The following BRD4 variants were observed in gnomAD, a reference collection of about 807,000 sequenced individuals.
BRD4 encodes the protein bromodomain-containing protein 4.
A neutral mutation model predicts 142.1 loss-of-function variants in BRD4; 16 were observed. The ratio of observed to expected loss-of-function variants is 0.11; its 90% CI spans 0.08 to 0.17. The LOEUF is 0.17. Ranked by LOEUF, BRD4 falls within the 10% of genes least tolerant of loss-of-function variation. BRD4 has a pLI of 1.00. For missense variants in BRD4, 1,424 were observed against 1,810.9 expected (o/e 0.79, Z 3.88); for synonymous variants, 833 against 707.5 (o/e 1.18, Z -2.82).
chr19:15,264,977 G>A (rs1002530667), intron 5 of BRD4, among the ~76,000 whole-genome samples: 1 of 152,224 alleles, frequency 6.6e-6, no homozygotes, highest in African/African-American at 2.4e-5. Flanking sequence ...CCTGTGGCAG[G>A]AGAAAGCATA....
intron 1 of BRD4, among the ~76,000 whole-genome samples, chr19:15,292,777 C>CAAAAAAAAAAAAAAAAAAAAAAAAAA (rs57341445): frequency 1.6e-4 from 9 of 57,256 alleles, no homozygotes; most frequent in Admixed American, 2.6e-4. Flanking sequence ...GACTCCGTCT[C>CAAAAAAAAAAAAAAAAAAAAAAAAAA]AAAAAAAAAA....
intron 1 of BRD4, among the ~76,000 whole-genome samples, chr19:15,305,564 T>TA (rs751603222): frequency 8.5e-5 from 13 of 152,356 alleles, no homozygotes; most frequent in Non-Finnish European, 1.6e-4. Context: ...AATGATGCTG[T>TA]AAACAGATGT....
At chr19:15,262,524 TAAAAAAA>T (rs559468375) in intron 7 of BRD4, among the ~76,000 whole-genome samples, 11 of 97,798 alleles carry the variant, frequency 1.1e-4, no homozygotes, top group Non-Finnish European at 1.9e-4. Context: ...CCCATCTCTT[TAAAAAAA>T]AAAAAAAAAA....
At chr19:15,259,935 C>A (rs1177646548) in intron 7 of BRD4, among the ~76,000 whole-genome samples, 3 of 152,226 alleles carry the variant, frequency 2.0e-5, no homozygotes, top group African/African-American at 7.2e-5. Context: ...ATTCAAGATG[C>A]ACCGAGGCAA....
At chr19:15,261,445 G>T (rs550532101) in intron 7 of BRD4, among the ~76,000 whole-genome samples, 1 of 151,890 alleles carries the variant, frequency 6.6e-6, no homozygotes, top group African/African-American at 2.4e-5. Flanking sequence ...TCGTGCCACT[G>T]CACTCCAGCC....
In BRD4 at chr19:15,328,298, G is replaced by A. The variant is rs76510660; in HGVS notation, c.-35+3992C>T. 4.6e-3 allele frequency among the ~76,000 whole-genome samples: 699 copies of A among 152,148 alleles called. 6 individuals carry two copies. Among genetic ancestry groups the A allele is most frequent in the African/African-American group, 0.016 (675 of 41,508 alleles). Reference sequence around the variant, plus strand: ...CAATGTTTAAAAAAAAACTTAACAGGTTTTTATTGACAACATGAGATTCAC... The same window carrying A: ...CAATGTTTAAAAAAAAACTTAACAGATTTTTATTGACAACATGAGATTCAC... On this transcript the variant is annotated intron_variant, in intron 1 of 19. Coordinates refer to ENST00000679869, the MANE Select transcript of BRD4 (RefSeq NM_001379291.1).
intron 11 of BRD4, among the ~76,000 whole-genome samples, chr19:15,251,890 G>A (rs1010937425): frequency 6.6e-6 from 1 of 152,220 alleles, no homozygotes; most frequent in African/African-American, 2.4e-5. Flanking sequence ...GGGCGCCTGG[G>A]AAGAGGGGAA....
rs200976853 is a variant in BRD4 at position 15,238,855 on chromosome 19, G to A, written c.3908C>T (p.Ala1303Val). ...QQQQQQQQAA[A>V]VAAAATPQAQ... ...CTGTGGGGTGGCGGCGGCAGCCACC[G>A]CAGCTGCTTGCTGTTGCTGCTGCTG... Residue 1303 changes from alanine (A) to valine (V), a missense_variant, in exon 19 of 20, where the codon GCG (alanine) becomes GTG (valine). This residue lies in a region of BRD4 where 109 missense variants were observed against 117.9 expected (regional missense o/e 0.92). Coordinates refer to ENST00000679869, the MANE Select transcript of BRD4 (RefSeq NM_001379291.1). The surrounding 1 kb of genome is among the most constrained non-coding windows in gnomAD (Gnocchi z 7.2). 54 of 1,601,316 alleles carry A rather than the reference G, an allele frequency of 3.4e-5. No individual in the cohort carries two copies. In the Admixed American group the frequency reaches 3.7e-4, roughly 11 times the overall value.
At chr19:15,252,770 C>T (rs930251879) in intron 11 of BRD4, among the ~76,000 whole-genome samples, 3 of 152,162 alleles carry the variant, frequency 2.0e-5, no homozygotes, top group African/African-American at 4.8e-5. Flanking sequence ...CATCTGGAGT[C>T]CTGGAGGGTC....
At chr19:15,330,636 G>A (rs879719091) in intron 1 of BRD4, among the ~76,000 whole-genome samples, 36 of 152,152 alleles carry the variant, frequency 2.4e-4, no homozygotes, top group African/African-American at 7.2e-4. Flanking sequence ...ATGTGGTGGC[G>A]GGCGCCTGTA....
In BRD4 at chr19:15,257,139, T is replaced by C; in HGVS notation, c.1376A>G (p.Asp459Gly). 6.2e-7 allele frequency: 1 copy of C among 1,608,644 alleles called. No individual in the cohort carries two copies. Residue 459 changes from aspartate to glycine, a missense_variant, in exon 8 of 20, where the codon GAC becomes GGC. Transcript: ENST00000679869. ...VFEMRFAKMP[D>G]EPEEPVVAVS... ...GGCCACCACTGGCTCCTCAGGCTCG[T>C]CCGGCATCTTGGCAAAGCGCATTTC...
At chr19:15,247,646 T>G (rs1166130417) in intron 11 of BRD4, 3 of 232,892 alleles carry the variant, frequency 1.3e-5, no homozygotes, top group African/African-American at 6.6e-5. Context: ...AAGCAGAATC[T>G]TCCCAGAAAG....
chr19:15,246,130 C>T (rs900397316), intron 11 of BRD4, among the ~76,000 whole-genome samples: 6 of 152,148 alleles, frequency 3.9e-5, no homozygotes, highest in Non-Finnish European at 7.3e-5. Flanking sequence ...CCTGGGGCCC[C>T]GCCTAAAACC....
At position 15,239,158 on chromosome 19, in the gene BRD4, C is replaced by T. The variant is rs2145499865; in HGVS notation, c.3683G>A (p.Arg1228His). ...CTCCTCTTTCTCCCGAGCGGCGCGG[C>T]GGAACTGCTCGAAGCTGTCGCTGGA... ...KSSSDSFEQFRRAAREKEERE... is the reference protein window; with the variant it reads ...KSSSDSFEQFHRAAREKEERE... Residue 1228 changes from arginine to histidine, a missense_variant, in exon 18 of 20, where the codon CGC becomes CAC. By Grantham distance (29) the Arg-to-His change is conservative (BLOSUM62 0). Coordinates refer to ENST00000679869, the MANE Select transcript of BRD4 (RefSeq NM_001379291.1). This position sits in a 1 kb window ranked among gnomAD's most constrained non-coding sequence, Gnocchi z 7.4. The T allele has an allele frequency of 6.2e-7, 1 of 1,612,572 alleles. No homozygotes were observed.
At chr19:15,311,590 A>C (rs1419958150) in intron 1 of BRD4, among the ~76,000 whole-genome samples, 1 of 151,908 alleles carries the variant, frequency 6.6e-6, no homozygotes, top group Non-Finnish European at 1.5e-5. Flanking sequence ...CAGGAGTTCA[A>C]GACCAACCTG....
chr19:15,255,208 G>GC, intron 10 of BRD4, 89 bp downstream of exon 10: 1 of 1,291,432 alleles, frequency 7.7e-7, no homozygotes, highest in Non-Finnish European at 1.1e-6. Flanking sequence ...AAGGGGGGGG[G>GC]CGCAGAAAGA....
In BRD4 at chr19:15,239,864, C is replaced by T. The variant is rs200026456; in HGVS notation, c.3283-43G>A. 4.2e-5 allele frequency: 68 copies of T among 1,613,940 alleles called. No homozygotes were observed. Among genetic ancestry groups the T allele is most frequent in the African/African-American group, 1.1e-4 (8 of 75,048 alleles). On this transcript the variant is annotated intron_variant, in intron 15 of 19. Coordinates refer to ENST00000679869, the MANE Select transcript of BRD4 (RefSeq NM_001379291.1). This position sits in a 1 kb window ranked among gnomAD's most constrained non-coding sequence, Gnocchi z 7.4. ...CAGCGGCCGGTGAGGTGGGCAGGCA[C>T]CCCCGGCCCTAGCCCACAGGACTAT...
intron 1 of BRD4, among the ~76,000 whole-genome samples, chr19:15,310,525 T>C (rs1235453834): frequency 6.6e-6 from 1 of 151,754 alleles, no homozygotes; most frequent in African/African-American, 2.4e-5. Flanking sequence ...CACGCCTGGC[T>C]AATTTCTTCT....
Position 15,267,532 on chromosome 19 carries a change from A to G in BRD4, c.443T>C (p.Leu148Ser). The G allele has an allele frequency of 6.2e-7, 1 of 1,613,712 alleles. No homozygotes were observed. The highest frequency in any genetic ancestry group is 8.5e-7 in the Non-Finnish European group (1 of 1,180,006). Residue 148 changes from leucine to serine, a missense_variant, in exon 4 of 20, where the codon TTA becomes TCA. Around this residue, in one of 16 missense-constraint regions of BRD4, gnomAD observed 55 missense variants for 160.7 expected, o/e 0.34. Transcript: ENST00000679869. ...GAGCTTTTCCAGAGCTTCTGCCATT[A>G]AGACTATGTCATCTCCAGGCTGGAT... The part of the protein sequence containing the change: ...IYNKPGDDIV[L>S]MAEALEKLFL...
Sources: gnomAD v4.1 joint callset for allele counts (sites outside exome capture counted in the v4.1 genomes callset) on GRCh38, gnomAD v4.1.1 for gene constraint, gnomAD v4.1.1 regional missense constraint, Gnocchi (gnomAD v3.1) non-coding constraint, MANE v1.5 for transcripts, NCBI Gene and HGNC (gene_info 2026-07-23, HGNC 2026-07-21) for gene names.